Variants in UBXN4 observed in about 807,000 individuals in gnomAD.
UBXN4 encodes UBX domain-containing protein 4.
UBXN4 carries 35 observed loss-of-function variants against 66.2 expected under a neutral mutation model. The ratio of observed to expected loss-of-function variants is 0.53; its 90% CI spans 0.40 to 0.70. The LOEUF is 0.70. UBXN4 is among the 30% of genes least tolerant of loss of function. UBXN4 has a pLI of 0.00. For missense variants in UBXN4, 533 were observed against 599.8 expected (o/e 0.89, Z 1.16); for synonymous variants, 203 against 204.5 (o/e 0.99, Z 0.06).
chr2:135,750,711 C>G (rs912231162), intron 2 of UBXN4, among the ~76,000 whole-genome samples: 3 of 150,664 alleles, frequency 2.0e-5, no homozygotes, highest in Non-Finnish European at 4.4e-5. Flanking sequence ...TTTTATTGTT[C>G]ATCACCTTCC....
chr2:135,757,888 G>A (rs115944351), intron 5 of UBXN4, among the ~76,000 whole-genome samples: 25,843 of 151,192 alleles, frequency 0.17, 2,520 homozygotes, highest in Middle Eastern at 0.38. Context: ...TTTGAGACCC[G>A]CCTGGACAAC....
chr2:135,780,828 C>CT (rs1286578443), intron 12 of UBXN4, among the ~76,000 whole-genome samples: 1 of 152,234 alleles, frequency 6.6e-6, no homozygotes, highest in Non-Finnish European at 1.5e-5. Flanking sequence ...TATCTACCGG[C>CT]TGACAGCCTT....
chr2:135,782,866 A>T lies in UBXN4; in HGVS notation c.1506A>T (p.Gly502=). 1.2e-6 allele frequency: 2 copies of T among 1,613,722 alleles called. No individual in the cohort carries two copies. Among genetic ancestry groups the T allele is most frequent in the Non-Finnish European group, 1.7e-6 (2 of 1,179,750 alleles). The change falls in exon 13 of 13, where the codon GGA becomes GGT. Residue 502 remains glycine, a synonymous_variant. Coordinates refer to ENST00000272638, the MANE Select transcript of UBXN4 (RefSeq NM_014607.4). The part of the protein sequence containing the change: ...DGEDENNTWN[G]NSTQQM ...AAGATGAAAACAACACTTGGAATGG[A>T]AATTCCACTCAACAGATGTAGTGTG...
rs549237476 is a variant in UBXN4, at chr2:135,780,491, T to C, written c.1388+106T>C. On this transcript the variant is annotated intron_variant, in intron 12 of 12. Transcript: ENST00000272638. ...GCCTTTCTGTATATGTCCTCTCCAG[T>C]TCCCACGGTGGAGGAGAAAAACTCC... 10 of 1,004,532 alleles carry C rather than the reference T, an allele frequency of 1.0e-5. No homozygotes were observed. In the African/African-American group the frequency reaches 1.6e-4, roughly 16 times the overall value. The allele number at this position is 1,004,532 out of a possible 1,614,324, so 62.2% of individuals were successfully genotyped here.
At chr2:135,779,471 A>G (rs1559544451) in intron 11 of UBXN4, among the ~76,000 whole-genome samples, 1 of 152,166 alleles carries the variant, frequency 6.6e-6, no homozygotes, top group Non-Finnish European at 1.5e-5. Flanking sequence ...TCTGCACAAC[A>G]ATATTTTAAT....
intron 5 of UBXN4, 43 bp from the exon 6 acceptor site, chr2:135,761,775 C>G (rs1244831733): frequency 1.4e-6 from 2 of 1,454,070 alleles, no homozygotes; most frequent in Non-Finnish European, 1.9e-6. Flanking sequence ...TAAAAAGTTG[C>G]ATTAAATGCA....
At chr2:135,779,385 T>C (rs899559897) in intron 11 of UBXN4, among the ~76,000 whole-genome samples, 3 of 152,210 alleles carry the variant, frequency 2.0e-5, no homozygotes, top group Non-Finnish European at 2.9e-5. Context: ...ATCCACACAC[T>C]TAGTGTCTTT....
chr2:135,768,796 C>T (rs2077363922), intron 6 of UBXN4, among the ~76,000 whole-genome samples: 1 of 151,788 alleles, frequency 6.6e-6, no homozygotes, highest in Non-Finnish European at 1.5e-5. Flanking sequence ...CTCCTGACCT[C>T]AATTGATCCG....
At chr2:135,762,092 G>A (rs1029488636) in intron 6 of UBXN4, among the ~76,000 whole-genome samples, 181 bp downstream of exon 6, 1 of 152,182 alleles carries the variant, frequency 6.6e-6, no homozygotes, top group African/African-American at 2.4e-5. Context: ...AAGTTTTCAT[G>A]TATGTCTGAA....
At position 135,783,104 on chromosome 2, in the gene UBXN4, G is replaced by C. The variant is rs972390599; in HGVS notation, c.*217G>C. 1 of 412,210 alleles carries C rather than the reference G, an allele frequency of 2.4e-6. No homozygotes were observed. The highest frequency in any genetic ancestry group is 4.2e-6 in the Non-Finnish European group (1 of 238,650). The allele number at this position is 412,210 out of a possible 1,614,324, so 25.5% of individuals were successfully genotyped here. On this transcript the variant is annotated 3_prime_UTR_variant, in exon 13 of 13. Coordinates refer to ENST00000272638, the MANE Select transcript of UBXN4 (RefSeq NM_014607.4). Reference sequence around the variant, plus strand: ...GGTCCTTGCTTATATGGCAACCACTGCTAGAACCCTAAAAGAACCAAAAAT... The same window carrying C: ...GGTCCTTGCTTATATGGCAACCACTCCTAGAACCCTAAAAGAACCAAAAAT...
intron 6 of UBXN4, 52 bp from the exon 7 acceptor site, chr2:135,769,717 A>G (rs368387342): frequency 1.0e-5 from 14 of 1,343,874 alleles, no homozygotes; most frequent in African/African-American, 7.5e-5. Context: ...AATGTGTTTT[A>G]TATTAATATG....
chr2:135,778,140 G>A (rs1212126638), intron 10 of UBXN4, among the ~76,000 whole-genome samples: 5 of 144,158 alleles, frequency 3.5e-5, no homozygotes, highest in African/African-American at 1.3e-4. Context: ...TCGCGCCACT[G>A]CACTCCAGCC....
Position 135,782,828 on chromosome 2 carries a change from C to G in UBXN4, c.1468C>G (p.Gln490Glu). The G allele has an allele frequency of 6.2e-7, 1 of 1,613,810 alleles. No homozygotes were observed. Among genetic ancestry groups the G allele is most frequent in the Non-Finnish European group, 8.5e-7 (1 of 1,179,838 alleles). ...KEGKIYRLRT[Q>E]DDGEDENNTW... ...GGGGAAAATTTATAGATTAAGGACT[C>G]AAGATGATGGTGAAGATGAAAACAA... is the stretch of plus-strand genomic sequence containing the variant. The change falls in exon 13 of 13, where the codon CAA becomes GAA. Residue 490 changes from glutamine to glutamate, a missense_variant. By Grantham distance (29) the Gln-to-Glu change is conservative. Coordinates refer to ENST00000272638, the MANE Select transcript of UBXN4 (RefSeq NM_014607.4).
intron 1 of UBXN4, chr2:135,742,820 A>C (rs2077184780): frequency 6.6e-6 from 1 of 152,118 alleles, no homozygotes; most frequent in Non-Finnish European, 1.5e-5. Flanking sequence ...TTTAAAAAAA[A>C]TCCATTAGTT....
chr2:135,779,366 ATCTG>A (rs2077436354), intron 11 of UBXN4, among the ~76,000 whole-genome samples: 1 of 152,224 alleles, frequency 6.6e-6, no homozygotes, highest in African/African-American at 2.4e-5. Context: ...AATGCAGATT[ATCTG>A]TCTAATCCAC....
chr2:135,780,129 G>C (rs1029717014), intron 11 of UBXN4, 54 bp from the exon 12 acceptor site: 1 of 1,559,864 alleles, frequency 6.4e-7, no homozygotes, highest in Admixed American at 1.7e-5. Flanking sequence ...AACCTTGGGC[G>C]TGATGTGATT....
chr2:135,747,453 GATTA>G (rs2077215627), intron 1 of UBXN4, among the ~76,000 whole-genome samples: 1 of 151,084 alleles, frequency 6.6e-6, no homozygotes, highest in Admixed American at 6.6e-5. Context: ...TATCACCATA[GATTA>G]GTTATAGGTT....
intron 2 of UBXN4, among the ~76,000 whole-genome samples, chr2:135,750,112 T>C (rs2077232747): frequency 6.6e-6 from 1 of 152,244 alleles, no homozygotes; most frequent in Non-Finnish European, 1.5e-5. Context: ...TGTTAGCAGC[T>C]ATCAGTGATC....
At chr2:135,776,158 C>A in intron 9 of UBXN4, 91 bp from the exon 10 acceptor site, 1 of 1,029,058 alleles carries the variant, frequency 9.7e-7, no homozygotes, top group Non-Finnish European at 1.4e-6. Flanking sequence ...ATTGTCATTG[C>A]ACATTTCCAC....
Sources: allele counts gnomAD v4.1 joint callset (sites outside exome capture counted in the v4.1 genomes callset), GRCh38; gene constraint gnomAD v4.1.1; transcripts MANE v1.5; gene names NCBI Gene and HGNC (gene_info 2026-07-23, HGNC 2026-07-21).